The following COG5 variants were observed in gnomAD, a reference collection of about 807,000 sequenced individuals.
The protein encoded by COG5 is conserved oligomeric Golgi complex subunit 5.
COG5 carries 86 observed loss-of-function variants against 110.4 expected under a neutral mutation model. The ratio of observed to expected loss-of-function variants is 0.78; its 90% CI spans 0.65 to 0.93. COG5 has a LOEUF of 0.93. Ranked by LOEUF, COG5 falls within the 40% of genes least tolerant of loss-of-function variation. COG5 has a pLI of 0.00. For missense variants in COG5, 1,077 were observed against 987.0 expected (o/e 1.09, Z -1.22); for synonymous variants, 360 against 334.6 (o/e 1.08, Z -0.83).
intron 16 of COG5, among the ~76,000 whole-genome samples, chr7:107,249,747 T>C (rs901062655): frequency 6.6e-6 from 1 of 150,396 alleles, no homozygotes; most frequent in Non-Finnish European, 1.5e-5. Context: ...TGTATACATA[T>C]AGTTTGCCCT....
At chr7:107,446,859 T>C (rs529205128) in intron 6 of COG5, among the ~76,000 whole-genome samples, 3 of 152,344 alleles carry the variant, frequency 2.0e-5, no homozygotes, top group African/African-American at 7.2e-5. Flanking sequence ...CCCCTTTGCA[T>C]TAGTTAACTA....
At chr7:107,557,031 A>G (rs1803374679) in intron 2 of COG5, among the ~76,000 whole-genome samples, 1 of 152,174 alleles carries the variant, frequency 6.6e-6, no homozygotes, top group Non-Finnish European at 1.5e-5. Flanking sequence ...AGCCTCCCAA[A>G]GTGCTGGGGT....
intron 19 of COG5, among the ~76,000 whole-genome samples, chr7:107,214,750 T>G (rs1027028015): frequency 2.6e-5 from 4 of 151,986 alleles, no homozygotes; most frequent in Admixed American, 2.6e-4. Context: ...GGCAAAACCC[T>G]GTCTTTACCA....
chr7:107,297,287 A>G (rs1455585086), intron 12 of COG5, among the ~76,000 whole-genome samples: 1 of 152,092 alleles, frequency 6.6e-6, no homozygotes, highest in African/African-American at 2.4e-5. Flanking sequence ...AACTCTATGC[A>G]TAGCATTTAC....
At chr7:107,563,038 G>C (rs1362297843) in intron 1 of COG5, among the ~76,000 whole-genome samples, 5 of 152,198 alleles carry the variant, frequency 3.3e-5, no homozygotes, top group Admixed American at 3.3e-4. Context: ...GAACAGGTGA[G>C]AAGGGCTTTA....
intron 6 of COG5, among the ~76,000 whole-genome samples, chr7:107,510,997 G>A (rs1273906204): frequency 1.3e-5 from 2 of 151,710 alleles, no homozygotes; most frequent in African/African-American, 4.8e-5. Context: ...AGAAAAGCAA[G>A]AGCAAACACA....
At chr7:107,472,330 T>A (rs1394698069) in intron 6 of COG5, 1 of 151,764 alleles carries the variant, frequency 6.6e-6, no homozygotes, top group Non-Finnish European at 1.5e-5. Context: ...AATCTGTCAA[T>A]GATATCATGT....
chr7:107,450,279 G>A (rs1205141921), intron 6 of COG5: 1 of 154,798 alleles, frequency 6.5e-6, no homozygotes, highest in African/African-American at 2.4e-5. Flanking sequence ...AACAGTAGCT[G>A]ATGGTGCCTG....
At chr7:107,557,947 T>A (rs1209542933) in intron 2 of COG5, 29 bp downstream of exon 2, 1 of 1,613,076 alleles carries the variant, frequency 6.2e-7, no homozygotes, top group Admixed American at 1.7e-5. Flanking sequence ...GGCTGAATAA[T>A]CCATAGGGAC....
intron 6 of COG5, among the ~76,000 whole-genome samples, chr7:107,466,853 T>C (rs185056472): frequency 6.6e-6 from 1 of 152,380 alleles, no homozygotes; most frequent in African/African-American, 2.4e-5. Context: ...AAAAATTGTT[T>C]GTACATAGAT....
At chr7:107,523,553 G>A (rs539721463) in intron 6 of COG5, among the ~76,000 whole-genome samples, 1 of 152,038 alleles carries the variant, frequency 6.6e-6, no homozygotes, top group Non-Finnish European at 1.5e-5. Context: ...GGTGGTTCAC[G>A]CCTGTAATCC....
chr7:107,529,024 T>TAAAAAA (rs58281094), intron 5 of COG5, among the ~76,000 whole-genome samples: 12 of 97,844 alleles, frequency 1.2e-4, no homozygotes, highest in African/African-American at 2.5e-4. Context: ...AATACTTAAA[T>TAAAAAA]AAAAAAAAAA....
At chr7:107,460,221 G>A (rs927917153) in intron 6 of COG5, among the ~76,000 whole-genome samples, 1 of 152,004 alleles carries the variant, frequency 6.6e-6, no homozygotes, top group African/African-American at 2.4e-5. Flanking sequence ...CAGGCAACAC[G>A]GTGAGACCCT....
chr7:107,456,487 C>T (rs939478580), intron 6 of COG5, among the ~76,000 whole-genome samples: 6 of 152,134 alleles, frequency 3.9e-5, no homozygotes, highest in East Asian at 1.9e-4. Context: ...CTTTAGCTTT[C>T]GGCTAAATAT....
intron 6 of COG5, among the ~76,000 whole-genome samples, chr7:107,423,145 A>C (rs1793410504): frequency 6.6e-6 from 1 of 151,232 alleles, no homozygotes; most frequent in South Asian, 2.1e-4. Context: ...AACGGATCAA[A>C]AAAAGGCATC....
intron 6 of COG5, among the ~76,000 whole-genome samples, chr7:107,479,571 C>T (rs1051177961): frequency 2.0e-5 from 3 of 151,990 alleles, no homozygotes; most frequent in Non-Finnish European, 4.4e-5. Context: ...GGAAAGAAAA[C>T]TGGCATAAGA....
intron 8 of COG5, among the ~76,000 whole-genome samples, chr7:107,370,009 A>G (rs117478656): frequency 0.034 from 5,068 of 150,894 alleles, 110 homozygotes; most frequent in Middle Eastern, 0.062. Context: ...TTCTTTATCC[A>G]TTTTTTTCTC....
chr7:107,233,166 T>C (rs1288061674), intron 18 of COG5, among the ~76,000 whole-genome samples: 7 of 152,082 alleles, frequency 4.6e-5, no homozygotes, highest in Non-Finnish European at 7.4e-5. Flanking sequence ...CCAACTTCAA[T>C]AGCCACTCTT....
intron 6 of COG5, among the ~76,000 whole-genome samples, chr7:107,509,085 G>C (rs753890964): frequency 1.3e-5 from 2 of 152,080 alleles, no homozygotes; most frequent in South Asian, 4.1e-4. Flanking sequence ...GGCTTCAGAA[G>C]ATCAAACTAC....
Sources: gnomAD v4.1 joint callset for allele counts (sites outside exome capture counted in the v4.1 genomes callset) on GRCh38, gnomAD v4.1.1 for gene constraint, MANE v1.5 for transcripts, NCBI Gene and HGNC (gene_info 2026-07-23, HGNC 2026-07-21) for gene names.